Variants in GTPBP1 observed in about 807,000 individuals in gnomAD.
GTPBP1 encodes the protein GTP-binding protein 1.
A neutral mutation model predicts 62.0 loss-of-function variants in GTPBP1; 23 were observed. The observed-to-expected ratio is 0.37, with a 90% confidence interval of 0.27 to 0.53. The LOEUF (loss-of-function observed/expected upper bound fraction) is 0.53, where lower values mean the gene tolerates loss of function less well. GTPBP1 is among the 20% of genes least tolerant of loss of function. The pLI is 0.89. For synonymous variants in GTPBP1, 344 were observed against 364.4 expected, an observed-to-expected ratio of 0.94 and a Z score of 0.64; for missense variants, 640 against 917.3, an observed-to-expected ratio of 0.70 and a Z score of 3.90.
downstream of GTPBP1, chr22:38,739,473 T>TC: frequency 6.3e-7 from 1 of 1,599,108 alleles, no homozygotes; most frequent in East Asian, 2.2e-5. This position sits in a 1 kb window ranked among gnomAD's most constrained non-coding sequence, Gnocchi z 6.7. Context: ...AGCAGACGTG[T>TC]CCCCCTGTCA....
intron 2 of GTPBP1, among the ~76,000 whole-genome samples, chr22:38,713,374 C>T (rs1250642531): frequency 6.6e-6 from 1 of 152,076 alleles, no homozygotes; most frequent in Non-Finnish European, 1.5e-5. Context: ...TATTTAGGAC[C>T]TTAAGGGGTT....
chr22:38,735,170 C>G (rs1354512291), downstream of GTPBP1: 1 of 444,426 alleles, frequency 2.3e-6, no homozygotes, highest in African/African-American at 2.0e-5. Flanking sequence ...CCTTCCCTAT[C>G]CAGGGTAACT....
chr22:38,728,854 G>A (rs1481025664), intron 10 of GTPBP1: 6 of 152,656 alleles, frequency 3.9e-5, no homozygotes, highest in Admixed American at 2.0e-4. Context: ...GGCTTCTTTT[G>A]TGCTTTGTAT....
rs1264855765 is a variant in GTPBP1 at position 38,716,271 on chromosome 22, CGA to C, written c.485+190_485+191del. The stretch of plus-strand genomic sequence containing the variant: ...CTTCCCTGTCACTTTGGGAAGAGCA[CGA>C]GAGAGGCCAGCCGTGCATTCTGTGG... On this transcript the variant is annotated intron_variant, in intron 3 of 11. Coordinates refer to ENST00000216044, the MANE Select transcript of GTPBP1 (RefSeq NM_004286.5). The surrounding 1 kb of genome is among the most constrained non-coding windows in gnomAD (Gnocchi z 5.2). 3.3e-6 allele frequency: 2 copies of C among 610,406 alleles called. 1 individual carries two copies. Among genetic ancestry groups the C allele is most frequent in the Admixed American group, 6.1e-5 (2 of 32,900 alleles). The allele number at this position is 610,406 out of a possible 1,614,324, so 37.8% of individuals were successfully genotyped here.
At chr22:38,736,261 G>A (rs369326957), downstream of GTPBP1, 1 of 1,609,830 alleles carries the variant, frequency 6.2e-7, no homozygotes, top group Non-Finnish European at 8.5e-7. Flanking sequence ...GCACCAGTAA[G>A]CAGGGCTAGT....
At chr22:38,721,225 A>G (rs1208973684) in intron 4 of GTPBP1, among the ~76,000 whole-genome samples, 1 of 152,150 alleles carries the variant, frequency 6.6e-6, no homozygotes, top group Non-Finnish European at 1.5e-5. Flanking sequence ...GATTACAGGC[A>G]TGTGCCACCA....
At chr22:38,738,146 T>C, downstream of GTPBP1, 1 of 1,609,576 alleles carries the variant, frequency 6.2e-7, no homozygotes, top group South Asian at 1.1e-5. This position sits in a 1 kb window ranked among gnomAD's most constrained non-coding sequence, Gnocchi z 6.6. Flanking sequence ...TCTGCGCCAC[T>C]TCTGCTAGCA....
At chr22:38,739,255 C>G, downstream of GTPBP1, 2 of 1,434,796 alleles carry the variant, frequency 1.4e-6, no homozygotes, top group Non-Finnish European at 2.0e-6. This position sits in a 1 kb window ranked among gnomAD's most constrained non-coding sequence, Gnocchi z 6.7. Flanking sequence ...TTTGCTTGCT[C>G]TGCCCCACCA....
chr22:38,724,181 C>T, intron 5 of GTPBP1, 116 bp from the exon 6 acceptor site: 1 of 673,958 alleles, frequency 1.5e-6, no homozygotes, highest in Non-Finnish European at 2.7e-6. Context: ...TAACACTGGT[C>T]CATCTATCTG....
At chr22:38,717,401 G>A in intron 4 of GTPBP1, among the ~76,000 whole-genome samples, 1 of 152,130 alleles carries the variant, frequency 6.6e-6, no homozygotes, top group East Asian at 1.9e-4. Context: ...GGGAAGAAAC[G>A]GAGAAGACAG....
At chr22:38,721,620 AG>A (rs1198941352) in intron 4 of GTPBP1, 121 bp from the exon 5 acceptor site, 4 of 770,866 alleles carry the variant, frequency 5.2e-6, no homozygotes, top group Non-Finnish European at 8.5e-6. Context: ...TCATCGAGTC[AG>A]GGGTTAACGT....
Position 38,729,582 on chromosome 22 carries a change from G to A in GTPBP1, c.1837G>A (p.Val613Ile), listed in dbSNP as rs1328560781. Reference protein sequence around the residue: ...DEGGPSGGPAVGAPPPGDEAS... With the variant: ...DEGGPSGGPAIGAPPPGDEAS... ...GGGGGGCCCGTCTGGTGGGCCAGCA[G>A]TAGGAGCACCCCCACCTGGAGATGA... Residue 613 changes from valine to isoleucine, a missense_variant, in exon 11 of 12, where the codon GTA (valine) becomes ATA (isoleucine). Around this residue, in one of 4 missense-constraint regions of GTPBP1, gnomAD observed 117 missense variants for 107.1 expected, o/e 1.09. Transcript: ENST00000216044. 6.3e-7 allele frequency: 1 copy of A among 1,586,712 alleles called. No homozygotes were observed. The highest frequency in any genetic ancestry group is 2.3e-5 in the East Asian group (1 of 43,682).
Position 38,726,266 on chromosome 22 carries a change from G to C in GTPBP1, c.1227G>C (p.Gly409=), listed in dbSNP as rs146215269. 144 of 1,613,910 alleles carry C rather than the reference G, an allele frequency of 8.9e-5. No individual in the cohort carries two copies. The African/African-American group carries it at 1.8e-3, about 20-fold the overall frequency. The stretch of plus-strand genomic sequence containing the variant: ...GGTCTTCTCCTTGGCAGGGTGTGGG[G>C]ACAGTGGTTTCGGGGACAACACTGA... The part of the protein sequence containing the change: ...IDDTYSVPGV[G]TVVSGTTLRG... Residue 409 remains glycine (G), a synonymous_variant, in exon 8 of 12, where the codon GGG becomes GGC. Transcript: ENST00000216044. This position sits in a 1 kb window ranked among gnomAD's most constrained non-coding sequence, Gnocchi z 4.1.
At chr22:38,717,952 A>G (rs1186583181) in intron 4 of GTPBP1, among the ~76,000 whole-genome samples, 2 of 152,244 alleles carry the variant, frequency 1.3e-5, no homozygotes, top group African/African-American at 2.4e-5. Context: ...AGCTGCCTGT[A>G]TTAATAAATG....
chr22:38,738,763 G>A, downstream of GTPBP1: 1 of 1,612,672 alleles, frequency 6.2e-7, no homozygotes, highest in Non-Finnish European at 8.5e-7. The surrounding 1 kb of genome is among the most constrained non-coding windows in gnomAD (Gnocchi z 6.6). Context: ...GGCTGGAGGA[G>A]CAGAAAGTCA....
downstream of GTPBP1, chr22:38,736,483 C>A: frequency 8.1e-6 from 7 of 863,288 alleles, no homozygotes; most frequent in South Asian, 3.7e-5. Context: ...CAGATGGCTC[C>A]CCTGCTCCTT....
At chr22:38,739,715 G>A (rs2092837687), downstream of GTPBP1, 1 of 1,612,534 alleles carries the variant, frequency 6.2e-7, no homozygotes, top group South Asian at 1.1e-5. This position sits in a 1 kb window ranked among gnomAD's most constrained non-coding sequence, Gnocchi z 6.7. Flanking sequence ...GGGCATGTGG[G>A]CCTCACCTCC....
rs1603198494 is a variant in GTPBP1, at chr22:38,728,095, CCTG to C, written c.1652_1654del (p.Leu551del). The C allele has an allele frequency of 2.5e-6, 4 of 1,613,428 alleles. No individual in the cohort carries two copies. Among genetic ancestry groups the C allele is most frequent in the Non-Finnish European group, 3.4e-6 (4 of 1,179,340 alleles). ...TCCGCTTCATCAAGACCCCTGAGTA[CCTG>C]CACATAGACCAGCGGCTGGTGTTCC... On this transcript the variant is annotated inframe_deletion, in exon 10 of 12. Transcript: ENST00000216044.
chr22:38,726,089 G>T lies in GTPBP1; in HGVS notation c.1157G>T (p.Arg386Leu). 1 of 1,613,778 alleles carries T rather than the reference G, an allele frequency of 6.2e-7. No individual in the cohort carries two copies. The highest frequency in any genetic ancestry group is 8.5e-7 in the Non-Finnish European group (1 of 1,179,768). Reference sequence around the variant, plus strand: ...ATGTTCCTCAACCTCCTCTCCCCCCGCACCAGCTACAGGGAGGAGGAGCCT... The same window carrying T: ...ATGTTCCTCAACCTCCTCTCCCCCCTCACCAGCTACAGGGAGGAGGAGCCT... Reference protein sequence around the residue: ...LKMFLNLLSPRTSYREEEPAE... With the variant: ...LKMFLNLLSPLTSYREEEPAE... The change falls in exon 7 of 12, where the codon CGC (arginine) becomes CTC (leucine). Residue 386 changes from arginine (R) to leucine (L), a missense_variant. This residue lies in a region of GTPBP1 where 220 missense variants were observed against 358.1 expected (regional missense o/e 0.61). Transcript: ENST00000216044. The surrounding 1 kb of genome is among the most constrained non-coding windows in gnomAD (Gnocchi z 4.1).
Sources: gnomAD v4.1 joint callset for allele counts (sites outside exome capture counted in the v4.1 genomes callset) on GRCh38, gnomAD v4.1.1 for gene constraint, gnomAD v4.1.1 regional missense constraint, Gnocchi (gnomAD v3.1) non-coding constraint, MANE v1.5 for transcripts, NCBI Gene and HGNC (gene_info 2026-07-23, HGNC 2026-07-21) for gene names.